Variants in ATAD1 observed in about 807,000 individuals in gnomAD.
ATAD1 encodes ATPase family AAA domain containing 1.
In ATAD1, 18 loss-of-function variants were observed where a neutral mutation model predicts 42.7. That is an observed-to-expected ratio of 0.42 (90% confidence interval 0.29 to 0.63). ATAD1 has a LOEUF of 0.63. Among genes scored for constraint, ATAD1 ranks in the 20% least tolerant of loss-of-function variants. The pLI is 0.19. For missense variants in ATAD1, 294 were observed against 440.4 expected, an observed-to-expected ratio of 0.67 and a Z score of 2.98; for synonymous variants, 132 against 143.1, an observed-to-expected ratio of 0.92 and a Z score of 0.55.
intron 6 of ATAD1, among the ~76,000 whole-genome samples, chr10:87,773,098 CT>C (rs1269580169): frequency 6.6e-6 from 1 of 152,070 alleles, no homozygotes; most frequent in Non-Finnish European, 1.5e-5. Context: ...GTACAACGAA[CT>C]CCCCAAGACA....
chr10:87,814,099 C>G (rs1857306899), intron 2 of ATAD1, among the ~76,000 whole-genome samples: 1 of 152,068 alleles, frequency 6.6e-6, no homozygotes, highest in African/African-American at 2.4e-5. Context: ...CAGCAAAAGG[C>G]ATATCATTAC....
chr10:87,815,700 T>G (rs1003460487), intron 1 of ATAD1, among the ~76,000 whole-genome samples: 3 of 152,032 alleles, frequency 2.0e-5, no homozygotes, highest in African/African-American at 7.2e-5. Flanking sequence ...GCTCCAAAAA[T>G]TTTTTATTTC....
intron 8 of ATAD1, among the ~76,000 whole-genome samples, chr10:87,762,145 TAATCAGCTATATGTA>T (rs1854510923): frequency 6.6e-6 from 1 of 152,224 alleles, no homozygotes; most frequent in South Asian, 2.1e-4. Context: ...GTACTCATAT[TAATCAGCTATATGTA>T]AATCATCTGC....
chr10:87,820,623 TAA>T, upstream of ATAD1, among the ~76,000 whole-genome samples: 1 of 152,308 alleles, frequency 6.6e-6, no homozygotes, highest in Non-Finnish European at 1.5e-5. Flanking sequence ...AACTGTTGAA[TAA>T]AGTCACGAGG....
intron 8 of ATAD1, among the ~76,000 whole-genome samples, chr10:87,760,984 T>C (rs541113646): frequency 6.6e-6 from 1 of 152,214 alleles, no homozygotes; most frequent in South Asian, 2.1e-4. Flanking sequence ...ATAAAATAAT[T>C]GTAAAAGAGT....
intron 3 of ATAD1, among the ~76,000 whole-genome samples, chr10:87,791,553 C>T (rs1268120736): frequency 6.6e-6 from 1 of 152,070 alleles, no homozygotes; most frequent in African/African-American, 2.4e-5. Context: ...CAAGAAGGTA[C>T]CATTGTAAAT....
intron 1 of ATAD1, among the ~76,000 whole-genome samples, chr10:87,815,608 ATCCATGG>A (rs1857380979): frequency 1.3e-5 from 2 of 152,104 alleles, no homozygotes; most frequent in Non-Finnish European, 2.9e-5. Context: ...AAAGATTAAT[ATCCATGG>A]TCCTTCCAGC....
chr10:87,805,037 T>C (rs766847593), intron 2 of ATAD1, among the ~76,000 whole-genome samples: 21 of 152,230 alleles, frequency 1.4e-4, no homozygotes, highest in Non-Finnish European at 2.5e-4. Context: ...TGTTTCTGAT[T>C]TGATGCAACT....
At chr10:87,822,598 G>A (rs1235080939), upstream of ATAD1, among the ~76,000 whole-genome samples, 1 of 152,168 alleles carries the variant, frequency 6.6e-6, no homozygotes, top group Non-Finnish European at 1.5e-5. Flanking sequence ...TGAACTCATG[G>A]AGATAGAGGG....
chr10:87,788,544 T>C (rs1407986547), intron 4 of ATAD1, among the ~76,000 whole-genome samples: 1 of 152,188 alleles, frequency 6.6e-6, no homozygotes, highest in East Asian at 1.9e-4. Flanking sequence ...TGCTTTCAAA[T>C]AAGAAGCAAA....
At chr10:87,833,250 T>C (rs1857866808) in intron 1 of ATAD1, among the ~76,000 whole-genome samples, 2 of 152,224 alleles carry the variant, frequency 1.3e-5, no homozygotes, top group Non-Finnish European at 2.9e-5. Flanking sequence ...TTGTAAATGG[T>C]ATTGTTTAAA....
intron 5 of ATAD1, among the ~76,000 whole-genome samples, chr10:87,782,701 C>T (rs1855624686): frequency 6.6e-6 from 1 of 151,944 alleles, no homozygotes; most frequent in Non-Finnish European, 1.5e-5. Flanking sequence ...AAATTAAAAG[C>T]AAAAAATAAT....
rs1366965344 is a variant in ATAD1, at chr10:87,839,560, C to T, written c.-14+1627G>A. ...CTTGACCATCAAGAGAAGGACAAGT[C>T]CTTATAATTGGAGTGGAACTGGACT... On this transcript the variant is annotated intron_variant, in intron 1 of 4. Coordinates refer to the ATAD1 transcript ENST00000495903. Among the ~76,000 whole-genome samples, 4 of 152,094 alleles carry T rather than the reference C, an allele frequency of 2.6e-5. No individual in the cohort carries two copies. The East Asian group carries it at 7.7e-4, about 29-fold the overall frequency.
chr10:87,780,159 G>A (rs1444642088), intron 5 of ATAD1, among the ~76,000 whole-genome samples: 2 of 152,130 alleles, frequency 1.3e-5, no homozygotes, highest in Non-Finnish European at 2.9e-5. Flanking sequence ...ATCATGAAAA[G>A]ATGTGGAGGA....
At chr10:87,775,087 T>G (rs1032147899) in intron 6 of ATAD1, among the ~76,000 whole-genome samples, 1 of 152,082 alleles carries the variant, frequency 6.6e-6, no homozygotes, top group African/African-American at 2.4e-5. Context: ...CTAAATATAA[T>G]ACTTTTTTTA....
At chr10:87,763,358 GAT>G (rs924077073) in intron 8 of ATAD1, among the ~76,000 whole-genome samples, 6 of 151,998 alleles carry the variant, frequency 3.9e-5, no homozygotes, top group Non-Finnish European at 7.4e-5. Flanking sequence ...ATGTTATTTT[GAT>G]ATGTTTTAAG....
chr10:87,758,286 G>C (rs899181219), intron 8 of ATAD1, among the ~76,000 whole-genome samples: 11 of 152,048 alleles, frequency 7.2e-5, no homozygotes, highest in African/African-American at 2.4e-4. Flanking sequence ...CTAAAGGATA[G>C]AAAGGGTACA....
chr10:87,795,861 G>T (rs970171433), intron 2 of ATAD1, among the ~76,000 whole-genome samples: 1 of 152,146 alleles, frequency 6.6e-6, no homozygotes, highest in Non-Finnish European at 1.5e-5. Context: ...AGTTTAGAAA[G>T]TTGGACATGT....
At chr10:87,781,797 C>T (rs1855572887) in intron 5 of ATAD1, among the ~76,000 whole-genome samples, 4 of 152,072 alleles carry the variant, frequency 2.6e-5, no homozygotes, top group Admixed American at 1.3e-4. Flanking sequence ...CATGCGTTAC[C>T]ACACCCGGCT....
Sources: gnomAD v4.1 joint callset for allele counts (sites outside exome capture counted in the v4.1 genomes callset) on GRCh38, gnomAD v4.1.1 for gene constraint, MANE v1.5 for transcripts, NCBI Gene and HGNC (gene_info 2026-07-23, HGNC 2026-07-21) for gene names.